DCTN6: variants seen among roughly 807,000 people sequenced by gnomAD.
The protein encoded by DCTN6 is dynactin subunit 6, also known as dynactin 6.
In DCTN6, 15 loss-of-function variants were observed where a neutral mutation model predicts 25.8. That is an observed-to-expected ratio of 0.58 (90% confidence interval 0.39 to 0.89). The LOEUF (loss-of-function observed/expected upper bound fraction) is 0.89, where lower values mean the gene tolerates loss of function less well. Ranked by LOEUF, DCTN6 falls within the 40% of genes least tolerant of loss-of-function variation. The pLI is 0.00. For synonymous variants in DCTN6, 64 were observed against 78.3 expected (o/e 0.82, Z 0.96); for missense variants, 198 against 237.6 (o/e 0.83, Z 1.09).
chr8:30,177,212 G>A lies in DCTN6; in HGVS notation c.281G>A (p.Cys94Tyr), dbSNP rs975828296. 1 of 1,611,992 alleles carries A rather than the reference G, an allele frequency of 6.2e-7. No homozygotes were observed. The highest frequency in any genetic ancestry group is 8.5e-7 in the Non-Finnish European group (1 of 1,178,714). Residue 94 changes from cysteine (C) to tyrosine (Y), a missense_variant and splice_region_variant, in exon 4 of 7, where the codon TGT becomes TAT. Physicochemically the swap from Cys to Tyr is radical, Grantham distance 194. Coordinates refer to ENST00000221114, the MANE Select transcript of DCTN6 (RefSeq NM_006571.4). Reference sequence around the variant, plus strand: ...ACCAATAATGTGTTTGAAGTTGGCTGTTGTATCCTTTACAATAATCTACCA... The same window carrying A: ...ACCAATAATGTGTTTGAAGTTGGCTATTGTATCCTTTACAATAATCTACCA... ...IGTNNVFEVGCYSQAMKMGDN... is the reference protein window; with the variant it reads ...IGTNNVFEVGYYSQAMKMGDN...
chr8:30,173,731 T>TAAAAAA (rs371782984), intron 2 of DCTN6, among the ~76,000 whole-genome samples: 5 of 96,024 alleles, frequency 5.2e-5, no homozygotes, highest in African/African-American at 7.1e-5. Flanking sequence ...CCCTGTCTCT[T>TAAAAAA]AAAAAAAAAA....
intron 1 of DCTN6, among the ~76,000 whole-genome samples, chr8:30,158,366 C>CA (rs111241158): frequency 0.014 from 2,111 of 151,520 alleles, 56 homozygotes; most frequent in African/African-American, 0.046. Context: ...CATATTTTAA[C>CA]AAAAAAAACC....
intron 4 of DCTN6, among the ~76,000 whole-genome samples, chr8:30,178,662 T>A (rs1373369395): frequency 3.3e-5 from 5 of 152,128 alleles, no homozygotes; most frequent in Non-Finnish European, 7.3e-5. Context: ...ATTTTTTTTT[T>A]ATTTTATCTT....
intron 2 of DCTN6, among the ~76,000 whole-genome samples, chr8:30,164,914 C>T (rs12675111): frequency 0.95 from 144,813 of 152,250 alleles, 69,283 homozygotes; most frequent in Middle Eastern, 1. Flanking sequence ...ACACGACCCT[C>T]CTCTGTGTGT....
At chr8:30,162,620 A>G (rs1012562919) in intron 1 of DCTN6, among the ~76,000 whole-genome samples, 1 of 152,238 alleles carries the variant, frequency 6.6e-6, no homozygotes, top group Non-Finnish European at 1.5e-5. Context: ...GTACTTCCTC[A>G]TGTCAGCTCA....
At chr8:30,172,926 G>T (rs1221885571) in intron 2 of DCTN6, among the ~76,000 whole-genome samples, 1 of 152,106 alleles carries the variant, frequency 6.6e-6, no homozygotes. Flanking sequence ...TTGTTTTAAA[G>T]AAAAGGTTAG....
intron 1 of DCTN6, among the ~76,000 whole-genome samples, chr8:30,158,049 A>G (rs1803549984): frequency 6.6e-6 from 1 of 151,874 alleles, no homozygotes; most frequent in South Asian, 2.1e-4. Context: ...ACTCCGAGAT[A>G]CAAGGGGTCC....
chr8:30,176,950 GTGA>G, intron 3 of DCTN6, 173 bp from the exon 4 acceptor site: 1 of 509,622 alleles, frequency 2.0e-6, no homozygotes, highest in Non-Finnish European at 3.5e-6. Flanking sequence ...ACCAGCCTGG[GTGA>G]TAGAGTGAGA....
At chr8:30,176,655 A>G (rs1261093320) in intron 3 of DCTN6, 1 of 155,052 alleles carries the variant, frequency 6.4e-6, no homozygotes, top group Non-Finnish European at 1.4e-5. Flanking sequence ...TCTCTAGCAC[A>G]CAGGATGAAT....
At chr8:30,177,880 C>G (rs542539314) in intron 4 of DCTN6, among the ~76,000 whole-genome samples, 1 of 152,296 alleles carries the variant, frequency 6.6e-6, no homozygotes, top group African/African-American at 2.4e-5. Flanking sequence ...ACACACATAT[C>G]TTTAGCTCAG....
At chr8:30,170,766 C>CG (rs2117587576) in intron 2 of DCTN6, among the ~76,000 whole-genome samples, 1 of 74 alleles carries the variant, frequency 0.014, no homozygotes, top group African/African-American at 0.05. Context: ...CTCAGCCTCC[C>CG]AATAGCTGGG....
intron 2 of DCTN6, among the ~76,000 whole-genome samples, chr8:30,172,818 A>G (rs1324436305): frequency 6.6e-6 from 1 of 152,176 alleles, no homozygotes; most frequent in African/African-American, 2.4e-5. Flanking sequence ...AACTTTTAAG[A>G]ATAGCTAACT....
intron 1 of DCTN6, among the ~76,000 whole-genome samples, chr8:30,161,194 T>A (rs1803589447): frequency 6.6e-6 from 1 of 152,174 alleles, no homozygotes; most frequent in Admixed American, 6.5e-5. Flanking sequence ...CCTGCTGCCT[T>A]GTGAAGAAGG....
intron 5 of DCTN6, 71 bp downstream of exon 5, chr8:30,179,526 C>T (rs1175569313): frequency 2.2e-6 from 3 of 1,368,940 alleles, no homozygotes; most frequent in South Asian, 1.3e-5. Flanking sequence ...TGGGAAACAA[C>T]CTAATAGAAA....
At chr8:30,159,889 G>A (rs868551997) in intron 1 of DCTN6, among the ~76,000 whole-genome samples, 14 of 151,874 alleles carry the variant, frequency 9.2e-5, no homozygotes, top group Middle Eastern at 6.8e-3. Flanking sequence ...AGCCCCCCAA[G>A]TAGCTGGGAG....
chr8:30,175,777 T>C (rs945197380), intron 3 of DCTN6, among the ~76,000 whole-genome samples: 1 of 152,188 alleles, frequency 6.6e-6, no homozygotes, highest in African/African-American at 2.4e-5. Flanking sequence ...ACATAAGTTC[T>C]TTCTAGATAA....
At chr8:30,160,248 G>A (rs1803579222) in intron 1 of DCTN6, among the ~76,000 whole-genome samples, 1 of 152,158 alleles carries the variant, frequency 6.6e-6, no homozygotes, top group East Asian at 1.9e-4. Flanking sequence ...ATTGAATCAT[G>A]GGAGCCGTTT....
intron 4 of DCTN6, among the ~76,000 whole-genome samples, chr8:30,178,403 C>T (rs78723637): frequency 0.1 from 15,160 of 147,822 alleles, 865 homozygotes; most frequent in East Asian, 0.28. Flanking sequence ...GCGGAGATTG[C>T]GGTGAGCTGA....
intron 2 of DCTN6, 133 bp from the exon 3 acceptor site, chr8:30,174,952 T>G (rs1429872835): frequency 1.6e-5 from 12 of 736,732 alleles, no homozygotes; most frequent in Non-Finnish European, 2.5e-5. Flanking sequence ...ATCTGTGAAG[T>G]ACCTAGCTTG....
Sources: allele counts gnomAD v4.1 joint callset (sites outside exome capture counted in the v4.1 genomes callset), GRCh38; gene constraint gnomAD v4.1.1; transcripts MANE v1.5; gene names NCBI Gene and HGNC (gene_info 2026-07-23, HGNC 2026-07-21).